Variants in SLIT1 observed in about 807,000 individuals in gnomAD.
SLIT1 encodes the protein slit guidance ligand 1.
In SLIT1, 66 loss-of-function variants were observed where a neutral mutation model predicts 186.1. That is an observed-to-expected ratio of 0.35 (90% CI 0.29 to 0.44). SLIT1 has a LOEUF of 0.44. Among genes scored for constraint, SLIT1 ranks in the 20% least tolerant of loss-of-function variants. The pLI, the probability that SLIT1 is intolerant of heterozygous loss-of-function variation, is 1.00. For synonymous variants in SLIT1, 761 were observed against 833.8 expected, an observed-to-expected ratio of 0.91 and a Z score of 1.50; for missense variants, 1,638 against 2,037.4, an observed-to-expected ratio of 0.80 and a Z score of 3.77.
At chr10:97,062,611 G>A (rs146637660) in intron 8 of SLIT1, among the ~76,000 whole-genome samples, 1 of 152,378 alleles carries the variant, frequency 6.6e-6, no homozygotes, top group African/African-American at 2.4e-5. Context: ...AGGCAACAAA[G>A]AGGGAAGGGT....
rs372556634 is a variant in SLIT1, at chr10:97,066,902, G to T, written c.414-816C>A. Among the ~76,000 whole-genome samples, 34 of 152,334 alleles carry T rather than the reference G, an allele frequency of 2.2e-4. No individual in the cohort carries two copies. In the East Asian group the frequency reaches 2.9e-3, roughly 13 times the overall value. On this transcript the variant is annotated intron_variant, in intron 4 of 36. Transcript: ENST00000266058. Reference sequence around the variant, plus strand: ...TACAACAGAGGTGCTTCTGGAGGGGGATTGATGACCACTGTCTGGCACCAG... The same window carrying T: ...TACAACAGAGGTGCTTCTGGAGGGGTATTGATGACCACTGTCTGGCACCAG...
chr10:97,066,804 A>C (rs1300823540), intron 4 of SLIT1, among the ~76,000 whole-genome samples: 2 of 152,120 alleles, frequency 1.3e-5, no homozygotes, highest in Non-Finnish European at 2.9e-5. Flanking sequence ...CCTAATGCCC[A>C]CAGAGGTCAG....
intron 3 of SLIT1, among the ~76,000 whole-genome samples, chr10:97,163,120 A>G (rs2134726167): frequency 6.6e-6 from 1 of 152,352 alleles, no homozygotes; most frequent in African/African-American, 2.4e-5. Context: ...ATTTTTTGCC[A>G]TCCCGTATCT....
At chr10:97,059,553 A>AG in intron 10 of SLIT1, 22 bp from the exon 11 acceptor site, 2 of 1,606,288 alleles carry the variant, frequency 1.2e-6, no homozygotes, top group Non-Finnish European at 1.7e-6. Flanking sequence ...GCAGAAGGAG[A>AG]GGGGGCATCT....
chr10:97,012,180 A>G (rs1372783877), intron 30 of SLIT1, among the ~76,000 whole-genome samples: 1 of 151,844 alleles, frequency 6.6e-6, no homozygotes, highest in Non-Finnish European at 1.5e-5. Flanking sequence ...TCCTTATTAT[A>G]TAAGATGGCA....
Position 97,048,350 on chromosome 10 carries a change from C to T in SLIT1, c.1466-354G>A, listed in dbSNP as rs116495034. Among the ~76,000 whole-genome samples, 726 of 152,268 alleles carry T rather than the reference C, an allele frequency of 4.8e-3. 3 individuals are homozygous for T. The highest frequency in any genetic ancestry group is 0.016 in the African/African-American group (671 of 41,552). The stretch of plus-strand genomic sequence containing the variant: ...GCTCAGAAGCTGCCCCACACTGTCC[C>T]CAGCCAGATGCCACGTGGACTACAA... On this transcript the variant is annotated intron_variant, in intron 14 of 36. Transcript: ENST00000266058.
At chr10:97,052,512 G>A (rs1380018990) in intron 13 of SLIT1, among the ~76,000 whole-genome samples, 1 of 152,240 alleles carries the variant, frequency 6.6e-6, no homozygotes, top group Non-Finnish European at 1.5e-5. Context: ...ATTTGGAAGG[G>A]AAGGTGATGG....
intron 13 of SLIT1, among the ~76,000 whole-genome samples, chr10:97,054,305 C>T (rs940813915): frequency 9.9e-5 from 15 of 151,904 alleles, no homozygotes; most frequent in African/African-American, 3.1e-4. Context: ...CGTGCCTACC[C>T]TTGCTTCGCC....
Position 97,011,097 on chromosome 10 carries a change from G to A in SLIT1, c.3237C>T (p.Asn1079=), listed in dbSNP as rs373725728. 2 of 1,613,820 alleles carry A rather than the reference G, an allele frequency of 1.2e-6. No individual in the cohort carries two copies. The highest frequency in any genetic ancestry group is 1.7e-6 in the Non-Finnish European group (2 of 1,179,838). ...CECMPGYAGD[N]CSENQDDCRD... is the part of the protein sequence containing the mutation. The stretch of plus-strand genomic sequence containing the variant: ...TGCAGTCATCCTGGTTCTCACTGCA[G>A]TTGTCACCTGCATAACCTGGCATGC... Residue 1079 remains asparagine (N), a synonymous_variant, in exon 31 of 37, where the codon AAC becomes AAT. Coordinates refer to ENST00000266058, the MANE Select transcript of SLIT1 (RefSeq NM_003061.3).
chr10:97,037,030 T>C (rs577791887), intron 22 of SLIT1, among the ~76,000 whole-genome samples: 1 of 150,468 alleles, frequency 6.6e-6, no homozygotes, highest in African/African-American at 2.4e-5. Flanking sequence ...GCTCCTAACC[T>C]TGCAAGAATA....
intron 4 of SLIT1, among the ~76,000 whole-genome samples, chr10:97,092,637 A>T (rs1849245402): frequency 6.6e-6 from 1 of 152,330 alleles, no homozygotes; most frequent in Non-Finnish European, 1.5e-5. Context: ...AGGGATTCTT[A>T]CCTACTGTGT....
At chr10:97,126,757 G>T (rs778797399) in intron 4 of SLIT1, among the ~76,000 whole-genome samples, 16 of 152,194 alleles carry the variant, frequency 1.1e-4, no homozygotes, top group Non-Finnish European at 1.9e-4. Context: ...GGTCCTGAGA[G>T]CTCACAGGCT....
At position 97,141,746 on chromosome 10, in the gene SLIT1, CGTATCGTATCGTATCGTATT is replaced by C. The variant is rs1849766313; in HGVS notation, c.413+16052_413+16071del. Among the ~76,000 whole-genome samples the C allele has an allele frequency of 2.3e-5, 3 of 132,694 alleles. 1 individual carries two copies. Among genetic ancestry groups the C allele is most frequent in the Admixed American group, 2.2e-4 (3 of 13,862 alleles). The allele number at this position is 132,694 out of a possible 152,430, so 87.1% of individuals were successfully genotyped here. ...TGTATTGTACTGTATTGTATCGTAT[CGTATCGTATCGTATCGTATT>C]GTATCGTACTGTATTGTATTGTACT... On this transcript the variant is annotated intron_variant, in intron 4 of 36. Transcript: ENST00000266058.
In SLIT1 at chr10:97,100,975, C is replaced by T. The variant is rs544633185; in HGVS notation, c.414-34889G>A. On this transcript the variant is annotated intron_variant, in intron 4 of 36. Transcript: ENST00000266058. Reference sequence around the variant, plus strand: ...CCCATGGGTATAGTCTGCCCACCTACAAGAGCAGAAAACAGTAAGGGAATG... The same window carrying T: ...CCCATGGGTATAGTCTGCCCACCTATAAGAGCAGAAAACAGTAAGGGAATG... Among the ~76,000 whole-genome samples the T allele has an allele frequency of 3.9e-5, 6 of 152,282 alleles. No individual in the cohort carries two copies. In the East Asian group the frequency reaches 1.2e-3, roughly 29 times the overall value.
intron 4 of SLIT1, among the ~76,000 whole-genome samples, chr10:97,089,334 C>G (rs1271191802): frequency 1.3e-5 from 2 of 152,200 alleles, no homozygotes; most frequent in Admixed American, 6.5e-5. Flanking sequence ...TGGGACTTCG[C>G]TTTTTGCAGC....
rs373423638 is a variant in SLIT1 at position 97,033,848 on chromosome 10, T to C, written c.2438+623A>G. Among the ~76,000 whole-genome samples, 131 of 150,380 alleles carry C rather than the reference T, an allele frequency of 8.7e-4. 1 individual carries two copies. The highest frequency in any genetic ancestry group is 3.2e-3 in the African/African-American group (128 of 40,602). ...TAAGGATCAGGAAGGGACAAGGTGCTAGCACTGTTCTATTTTTTTTTTTTT... is the reference window on the plus strand; with the variant it reads ...TAAGGATCAGGAAGGGACAAGGTGCCAGCACTGTTCTATTTTTTTTTTTTT... On this transcript the variant is annotated intron_variant, in intron 23 of 36. Transcript: ENST00000266058.
chr10:97,013,614 T>C, intron 30 of SLIT1, 127 bp downstream of exon 30: 2 of 706,432 alleles, frequency 2.8e-6, no homozygotes, highest in Non-Finnish European at 4.9e-6. Flanking sequence ...TCAGGAACCC[T>C]GTAGAGCTGA....
At chr10:97,147,367 G>A (rs565555584) in intron 4 of SLIT1, among the ~76,000 whole-genome samples, 24 of 152,290 alleles carry the variant, frequency 1.6e-4, no homozygotes, top group African/African-American at 3.4e-4. Flanking sequence ...ACACAACATC[G>A]TGAATGTATT....
chr10:97,020,782 T>C (rs1848495672), intron 26 of SLIT1, among the ~76,000 whole-genome samples: 1 of 152,264 alleles, frequency 6.6e-6, no homozygotes, highest in Admixed American at 6.5e-5. Flanking sequence ...TATTTACAAA[T>C]GCCCACAGTG....
Sources: gnomAD v4.1 joint callset for allele counts (sites outside exome capture counted in the v4.1 genomes callset) on GRCh38, gnomAD v4.1.1 for gene constraint, MANE v1.5 for transcripts, NCBI Gene and HGNC (gene_info 2026-07-23, HGNC 2026-07-21) for gene names.